Variants in GAS2L2 observed in about 807,000 individuals in gnomAD.
The protein encoded by GAS2L2 is GAS2-like protein 2.
Under a neutral mutation model 35.2 loss-of-function variants are expected in GAS2L2, and 21 were observed. That is an observed-to-expected ratio of 0.60 (90% CI 0.42 to 0.86). GAS2L2 has a LOEUF of 0.86. GAS2L2 is among the 40% of genes least tolerant of loss of function. The probability of loss-of-function intolerance (pLI) is 0.00; values close to 1 mark genes in which losing one functional copy is unlikely to be tolerated. For synonymous variants in GAS2L2, 490 were observed against 473.2 expected, an observed-to-expected ratio of 1.04 and a Z score of -0.46; for missense variants, 1,169 against 1,144.4, an observed-to-expected ratio of 1.02 and a Z score of -0.31.
chr17:35,744,957 T>C lies in GAS2L2; in HGVS notation c.2540A>G (p.Glu847Gly). ...EEEEEGKEEK[E>G]PAAPLESSPQ... ...GCTGCTCTCCAATGGAGCGGCTGGC[T>C]CTTTCTCCTCCTTTCCTTCCTCCTC... Residue 847 changes from glutamate (E) to glycine (G), a missense_variant, in exon 6 of 6, where the codon GAG (glutamate) becomes GGG (glycine). Around this residue, in one of 3 missense-constraint regions of GAS2L2, gnomAD observed 1,035 missense variants for 976.5 expected, o/e 1.06. Transcript: ENST00000604641. 1 of 1,614,068 alleles carries C rather than the reference T, an allele frequency of 6.2e-7. No individual in the cohort carries two copies. The highest frequency in any genetic ancestry group is 1.3e-5 in the African/African-American group (1 of 75,046).
At position 35,745,137 on chromosome 17, in the gene GAS2L2, C is replaced by T. The variant is rs1555598652; in HGVS notation, c.2360G>A (p.Arg787Lys). 2 of 1,613,602 alleles carry T rather than the reference C, an allele frequency of 1.2e-6. No homozygotes were observed. Among genetic ancestry groups the T allele is most frequent in the Admixed American group, 1.7e-5 (1 of 60,014 alleles). Residue 787 changes from arginine (R) to lysine (K), a missense_variant, in exon 6 of 6, where the codon AGG (arginine) becomes AAG (lysine). Transcript: ENST00000604641. ...RPRIRPRRDH[R>K]PEKQPSRIPR... ...GATTCGTGAAGGCTGCTTCTCAGGC[C>T]TGTGGTCTCTCCGGGGCCGAATCCT...
chr17:35,747,146 GT>G lies in GAS2L2; in HGVS notation c.954del (p.Pro320LeufsTer14). On this transcript the variant is annotated frameshift_variant, in exon 5 of 6. Coordinates refer to ENST00000604641, the MANE Select transcript of GAS2L2 (RefSeq NM_139285.4). LOFTEE classifies it high-confidence loss of function. ...GTATATGTCTTCCAGTCCACAGGGG[GT>G]GGTGGGCTCTGTGAGCGGCTGATGG... ...TMTISRSQSP[P>X]PPVDWKTYTS... 1.2e-6 allele frequency: 2 copies of G among 1,614,000 alleles called. No individual in the cohort carries two copies. Among genetic ancestry groups the G allele is most frequent in the Non-Finnish European group, 1.7e-6 (2 of 1,179,900 alleles).
chr17:35,753,028 G>T lies in GAS2L2; in HGVS notation c.-178C>A, dbSNP rs1340629779. On this transcript the variant is annotated 5_prime_UTR_variant, in exon 1 of 6. Transcript: ENST00000604641. Reference sequence around the variant, plus strand: ...CCACTGGCTTCAGCTGCCAGGCCTGGCCCAGCCCCTGCCCCCCCACATTCC... The same window carrying T: ...CCACTGGCTTCAGCTGCCAGGCCTGTCCCAGCCCCTGCCCCCCCACATTCC... The T allele has an allele frequency of 1.5e-5, 10 of 662,248 alleles. No homozygotes were observed. Among genetic ancestry groups the T allele is most frequent in the Non-Finnish European group, 2.3e-5 (9 of 398,660 alleles). The allele number at this position is 662,248 out of a possible 1,614,324, so 41.0% of individuals were successfully genotyped here.
chr17:35,750,961 C>T (rs587622182), intron 1 of GAS2L2, among the ~76,000 whole-genome samples: 2 of 152,038 alleles, frequency 1.3e-5, no homozygotes, highest in African/African-American at 2.4e-5. Flanking sequence ...TCACAATGTC[C>T]GGCACATGCA....
rs1555599929 is a variant in GAS2L2, at chr17:35,752,622, G to A, written c.229C>T (p.Leu77=). 1.9e-6 allele frequency: 3 copies of A among 1,613,680 alleles called. No individual in the cohort carries two copies. The African/African-American group carries it at 4.0e-5, about 22-fold the overall frequency. The part of the protein sequence containing the change: ...QHANVVTDAA[L]AFLAEAPAQA... ...GCAGGTGCCTCAGCCAGGAAGGCCA[G>A]GGCAGCGTCAGTGACAACGTTGGCG... The change falls in exon 1 of 6, where the codon CTG becomes TTG. Residue 77 remains leucine (L), a synonymous_variant. Coordinates refer to ENST00000604641, the MANE Select transcript of GAS2L2 (RefSeq NM_139285.4).
Position 35,752,584 on chromosome 17 carries a change from C to T in GAS2L2, c.267G>A (p.Lys89=), listed in dbSNP as rs2085710379. Residue 89 remains lysine (K), a synonymous_variant, in exon 1 of 6, where the codon AAG becomes AAA. Coordinates refer to ENST00000604641, the MANE Select transcript of GAS2L2 (RefSeq NM_139285.4). ...FLAEAPAQAQ[K]IPMPRVGVSC... is the part of the protein sequence containing the mutation. ...AGACCCCGACCCGGGGCATGGGAATCTTCTGGGCTTGGGCAGGTGCCTCAG... is the reference window on the plus strand; with the variant it reads ...AGACCCCGACCCGGGGCATGGGAATTTTCTGGGCTTGGGCAGGTGCCTCAG... 6.2e-7 allele frequency: 1 copy of T among 1,614,016 alleles called. No individual in the cohort carries two copies. Among genetic ancestry groups the T allele is most frequent in the Non-Finnish European group, 8.5e-7 (1 of 1,179,852 alleles).
chr17:35,752,931 G>T lies in GAS2L2; in HGVS notation c.-81C>A, dbSNP rs587764412. ...TTTCCTCCCGCTGCTGCTGGGTCTC[G>T]GCTGGGTTCTTCCTGATTCTGAGGT... is the stretch of plus-strand genomic sequence containing the variant. On this transcript the variant is annotated 5_prime_UTR_variant, in exon 1 of 6. Coordinates refer to ENST00000604641, the MANE Select transcript of GAS2L2 (RefSeq NM_139285.4). The T allele has an allele frequency of 7.0e-7, 1 of 1,436,440 alleles. No homozygotes were observed. Among genetic ancestry groups the T allele is most frequent in the Non-Finnish European group, 9.3e-7 (1 of 1,075,540 alleles). The allele number at this position is 1,436,440 out of a possible 1,614,324, so 89.0% of individuals were successfully genotyped here.
In GAS2L2 at chr17:35,746,019, G is replaced by T. The variant is rs782075862; in HGVS notation, c.1478C>A (p.Ser493Tyr). Reference protein sequence around the residue: ...FQFREPESVRSPTPVQGLTKI... With the variant: ...FQFREPESVRYPTPVQGLTKI... The stretch of plus-strand genomic sequence containing the variant: ...GGTTAGGCCTTGGACAGGGGTTGGA[G>T]AACGGACAGACTCTGGCTCCCTGAA... Residue 493 changes from serine to tyrosine, a missense_variant, in exon 6 of 6, where the codon TCT (serine) becomes TAT (tyrosine). This residue lies in a region of GAS2L2 where 1,035 missense variants were observed against 976.5 expected (regional missense o/e 1.06). Transcript: ENST00000604641. 1 of 1,560,092 alleles carries T rather than the reference G, an allele frequency of 6.4e-7. No individual in the cohort carries two copies. Among genetic ancestry groups the T allele is most frequent in the South Asian group, 1.2e-5 (1 of 82,132 alleles).
At chr17:35,748,053 C>T in intron 3 of GAS2L2, 108 bp from the exon 4 acceptor site, 1 of 722,198 alleles carries the variant, frequency 1.4e-6, no homozygotes. Context: ...TCCATGTACC[C>T]ATCCACACGT....
chr17:35,747,360 C>T (rs1193809019), intron 4 of GAS2L2, 92 bp from the exon 5 acceptor site: 44 of 1,397,858 alleles, frequency 3.1e-5, no homozygotes, highest in South Asian at 4.3e-5. Flanking sequence ...TCCCATGCCC[C>T]GCATCCCACA....
Position 35,744,596 on chromosome 17 carries a change from G to A in GAS2L2, c.*258C>T. Reference sequence around the variant, plus strand: ...GCCAGGGGCCAGAGGCCAGGAGTGTGGTGAGCCGTTCTAGGGGAGAGTAAT... The same window carrying A: ...GCCAGGGGCCAGAGGCCAGGAGTGTAGTGAGCCGTTCTAGGGGAGAGTAAT... On this transcript the variant is annotated 3_prime_UTR_variant, in exon 6 of 6. Coordinates refer to ENST00000604641, the MANE Select transcript of GAS2L2 (RefSeq NM_139285.4). 1 of 455,364 alleles carries A rather than the reference G, an allele frequency of 2.2e-6. No homozygotes were observed. The highest frequency in any genetic ancestry group is 3.9e-6 in the Non-Finnish European group (1 of 255,066). The allele number at this position is 455,364 out of a possible 1,614,324, so 28.2% of individuals were successfully genotyped here. A position where few individuals can be genotyped will look rare whatever the true frequency, so the allele number is the denominator to read the frequency against.
intron 4 of GAS2L2, 27 bp from the exon 5 acceptor site, chr17:35,747,295 G>C (rs2085675274): frequency 1.3e-6 from 2 of 1,584,164 alleles, no homozygotes; most frequent in Non-Finnish European, 1.7e-6. Context: ...GGAGAAAGGA[G>C]AGGAGAGAAG....
In GAS2L2 at chr17:35,745,663, T is replaced by C; in HGVS notation, c.1834A>G (p.Met612Val). Residue 612 changes from methionine to valine, a missense_variant, in exon 6 of 6, where the codon ATG (methionine) becomes GTG (valine). Met to Val is a conservative substitution (Grantham distance 21). Coordinates refer to ENST00000604641, the MANE Select transcript of GAS2L2 (RefSeq NM_139285.4). ...GCACTCCTGACTTCTAGCAGCTTCA[T>C]GTTGCCCAAAATCTCCTCTTCAAGG... ...CSLEEEILGN[M>V]KLLEVRSACP... is the part of the protein sequence containing the mutation. 1 of 1,613,988 alleles carries C rather than the reference T, an allele frequency of 6.2e-7. No individual in the cohort carries two copies. Among genetic ancestry groups the C allele is most frequent in the Non-Finnish European group, 8.5e-7 (1 of 1,180,034 alleles).
Position 35,745,455 on chromosome 17 carries a change from G to T in GAS2L2, c.2042C>A (p.Pro681His). ...CGGTCCTGGGGTAACAGCTGGCTTA[G>T]GGGAGCCAGTCGGGGCTGCCTTCCA... is the stretch of plus-strand genomic sequence containing the variant. The part of the protein sequence containing the change: ...EAWKAAPTGS[P>H]KPAVTPGPGS... Residue 681 changes from proline (P) to histidine (H), a missense_variant, in exon 6 of 6, where the codon CCT (proline) becomes CAT (histidine). Transcript: ENST00000604641. The T allele has an allele frequency of 6.3e-7, 1 of 1,586,146 alleles. No individual in the cohort carries two copies. The highest frequency in any genetic ancestry group is 8.6e-7 in the Non-Finnish European group (1 of 1,164,862).
Position 35,744,823 on chromosome 17 carries a change from G to A in GAS2L2, c.*31C>T. 6.7e-7 allele frequency: 1 copy of A among 1,487,122 alleles called. No individual in the cohort carries two copies. The highest frequency in any genetic ancestry group is 9.1e-7 in the Non-Finnish European group (1 of 1,100,402). The allele number at this position is 1,487,122 out of a possible 1,614,324, so 92.1% of individuals were successfully genotyped here. On this transcript the variant is annotated 3_prime_UTR_variant, in exon 6 of 6. Coordinates refer to ENST00000604641, the MANE Select transcript of GAS2L2 (RefSeq NM_139285.4). ...CAGTGTATACATGGCCATCCTTTTT[G>A]CTTCCCTCCTACCCAACACGCTCAT... is the stretch of plus-strand genomic sequence containing the variant.
chr17:35,744,799 AGTG>A lies in GAS2L2; in HGVS notation c.*52_*54del. 1.5e-6 allele frequency: 2 copies of A among 1,310,544 alleles called. No homozygotes were observed. The highest frequency in any genetic ancestry group is 2.1e-6 in the Non-Finnish European group (2 of 945,652). 81.2% of individuals were successfully genotyped at this position (1,310,544 alleles called of 1,614,324 possible). A position where few individuals can be genotyped will look rare whatever the true frequency, so the allele number is the denominator to read the frequency against. On this transcript the variant is annotated 3_prime_UTR_variant, in exon 6 of 6. Coordinates refer to ENST00000604641, the MANE Select transcript of GAS2L2 (RefSeq NM_139285.4). ...CTTCTGTTCCCGCAGCTGTGAATCC[AGTG>A]TATACATGGCCATCCTTTTTGCTTC...
intron 4 of GAS2L2, among the ~76,000 whole-genome samples, chr17:35,747,559 A>T (rs974272982): frequency 2.0e-5 from 3 of 152,172 alleles, no homozygotes; most frequent in Admixed American, 1.3e-4. Context: ...AGACCCTCCA[A>T]GTCACACTTG....
In GAS2L2 at chr17:35,752,539, C is replaced by A. The variant is rs1555599907; in HGVS notation, c.312G>T (p.Gln104His). 8.1e-6 allele frequency: 13 copies of A among 1,613,000 alleles called. No individual in the cohort carries two copies. The highest frequency in any genetic ancestry group is 1.1e-5 in the Non-Finnish European group (13 of 1,179,044). The change falls in exon 1 of 6, where the codon CAG (glutamine) becomes CAT (histidine). Residue 104 changes from glutamine (Q) to histidine (H), a missense_variant. Transcript: ENST00000604641. ...TGTCCCTGGCCTGGAAGGTACCTGG[C>A]TGGGCGGCCCCATTGCAGGAGACCC... ...RVGVSCNGAAQPGTFQARDNV... is the reference protein window; with the variant it reads ...RVGVSCNGAAHPGTFQARDNV...
At chr17:35,748,467 A>T (rs1191741458) in intron 3 of GAS2L2, among the ~76,000 whole-genome samples, 2 of 152,216 alleles carry the variant, frequency 1.3e-5, no homozygotes, top group African/African-American at 4.8e-5. Flanking sequence ...CTCTGCTCCC[A>T]GGTTTGGCCT....
Sources: gnomAD v4.1 joint callset for allele counts (sites outside exome capture counted in the v4.1 genomes callset) on GRCh38, gnomAD v4.1.1 for gene constraint, gnomAD v4.1.1 regional missense constraint, MANE v1.5 for transcripts, NCBI Gene and HGNC (gene_info 2026-07-23, HGNC 2026-07-21) for gene names.